The following CASKIN1 variants were observed in gnomAD, a reference collection of about 807,000 sequenced individuals.
The protein encoded by CASKIN1 is caskin-1.
A neutral mutation model predicts 117.5 loss-of-function variants in CASKIN1; 42 were observed. That is an observed-to-expected ratio of 0.36 (90% CI 0.28 to 0.46). The LOEUF is 0.46. Ranked by LOEUF, CASKIN1 falls within the 20% of genes least tolerant of loss-of-function variation. The pLI, the probability that CASKIN1 is intolerant of heterozygous loss-of-function variation, is 1.00. For missense variants in CASKIN1, 2,083 were observed against 2,077.3 expected (o/e 1.00, Z -0.05); for synonymous variants, 1,148 against 961.7 (o/e 1.19, Z -3.59).
rs760868396 is a variant in CASKIN1 at position 2,181,422 on chromosome 16, A to T, written c.1946T>A (p.Met649Lys). The T allele has an allele frequency of 1.1e-5, 18 of 1,612,074 alleles. No individual in the cohort carries two copies. In the South Asian group the frequency reaches 1.9e-4, roughly 17 times the overall value. Reference protein sequence around the residue: ...PTPADCQSPKMTTFQDSELSD... With the variant: ...PTPADCQSPKKTTFQDSELSD... Reference sequence around the variant, plus strand: ...GAGCTCGCTGTCCTGGAAGGTGGTCATTTTAGGGGACTGGCAGTCGGCCGG... The same window carrying T: ...GAGCTCGCTGTCCTGGAAGGTGGTCTTTTTAGGGGACTGGCAGTCGGCCGG... The change falls in exon 18 of 20, where the codon ATG (methionine) becomes AAG (lysine). Residue 649 changes from methionine to lysine, a missense_variant. Met to Lys is a moderately conservative substitution (Grantham distance 95). Coordinates refer to ENST00000343516, the MANE Select transcript of CASKIN1 (RefSeq NM_020764.4).
At chr16:2,184,904 G>A (rs369719484) in intron 13 of CASKIN1, 36 bp from the exon 14 acceptor site, 331 of 1,578,640 alleles carry the variant, frequency 2.1e-4, no homozygotes, top group Non-Finnish European at 2.6e-4. Flanking sequence ...AAGGGCTGTC[G>A]GGCTGCTTTC....
chr16:2,184,021 C>T, intron 14 of CASKIN1, 80 bp from the exon 15 acceptor site: 7 of 956,954 alleles, frequency 7.3e-6, no homozygotes, highest in South Asian at 1.6e-5. Context: ...CTCTGCTTGG[C>T]CGGCCAGCCG....
In CASKIN1 at chr16:2,183,812, C is replaced by A; in HGVS notation, c.1527+19G>T. 1.2e-6 allele frequency: 2 copies of A among 1,611,312 alleles called. No homozygotes were observed. The highest frequency in any genetic ancestry group is 1.7e-6 in the Non-Finnish European group (2 of 1,178,442). On this transcript the variant is annotated intron_variant, in intron 15 of 19. Transcript: ENST00000343516. Reference sequence around the variant, plus strand: ...ATCTGTGGGACGCAGCTGGCGCTGGCGGCGCATGGAAAGCTCACCTCGGGA... The same window carrying A: ...ATCTGTGGGACGCAGCTGGCGCTGGAGGCGCATGGAAAGCTCACCTCGGGA...
rs1481894447 is a variant in CASKIN1, at chr16:2,178,117, T to C, written c.*433A>G. On this transcript the variant is annotated 3_prime_UTR_variant, in exon 20 of 20. Transcript: ENST00000343516. ...CAGCTCATTCCCAATAAATTAATAC[T>C]CTTGATAGCTTATATTCTGGGGGTG... 2.0e-6 allele frequency: 1 copy of C among 506,744 alleles called. No individual in the cohort carries two copies. Among genetic ancestry groups the C allele is most frequent in the Non-Finnish European group, 3.8e-6 (1 of 261,074 alleles). 31.4% of individuals were successfully genotyped at this position (506,744 alleles called of 1,614,324 possible). A position where few individuals can be genotyped will look rare whatever the true frequency, so the allele number is the denominator to read the frequency against.
At chr16:2,187,140 T>C (rs765347472) in intron 8 of CASKIN1, 26 bp downstream of exon 8, 32 of 1,612,980 alleles carry the variant, frequency 2.0e-5, no homozygotes, top group Non-Finnish European at 2.6e-5. Flanking sequence ...CCCCAGCCAC[T>C]GCCCCTCTGC....
Position 2,181,888 on chromosome 16 carries a change from C to T in CASKIN1, c.1671G>A (p.Gln557=). 1.9e-6 allele frequency: 3 copies of T among 1,613,800 alleles called. No individual in the cohort carries two copies. The highest frequency in any genetic ancestry group is 2.5e-6 in the Non-Finnish European group (3 of 1,179,982). The part of the protein sequence containing the change: ...AVWLSMIGLA[Q]YYKVLVDNGY... Reference sequence around the variant, plus strand: ...CATTGTCCACCAACACCTTGTAGTACTGGGCCAGGCCGATCATGGACAGCC... The same window carrying T: ...CATTGTCCACCAACACCTTGTAGTATTGGGCCAGGCCGATCATGGACAGCC... Residue 557 remains glutamine, a synonymous_variant, in exon 17 of 20, where the codon CAG becomes CAA. Transcript: ENST00000343516.
chr16:2,190,555 G>A (rs1038322195), intron 1 of CASKIN1, among the ~76,000 whole-genome samples, 197 bp from the exon 2 acceptor site: 3 of 152,202 alleles, frequency 2.0e-5, no homozygotes, highest in Admixed American at 6.5e-5. Flanking sequence ...CCAGCTGCTC[G>A]GGCCTTGGTG....
intron 10 of CASKIN1, 82 bp downstream of exon 10, chr16:2,186,625 C>T: frequency 2.4e-6 from 3 of 1,270,724 alleles, no homozygotes; most frequent in Non-Finnish European, 2.2e-6. Context: ...CTGCTGGGCC[C>T]CCACACCCTC....
rs1029974663 is a variant in CASKIN1, at chr16:2,181,398, A to C, written c.1970T>G (p.Leu657Arg). 6.2e-7 allele frequency: 1 copy of C among 1,610,690 alleles called. No homozygotes were observed. Among genetic ancestry groups the C allele is most frequent in the Non-Finnish European group, 8.5e-7 (1 of 1,179,474 alleles). The change falls in exon 18 of 20, where the codon CTC becomes CGC. Residue 657 changes from leucine to arginine, a missense_variant. Transcript: ENST00000343516. ...PKMTTFQDSE[L>R]SDELQAAMTG... ...CATGGCAGCCTGCAGCTCGTCACTG[A>C]GCTCGCTGTCCTGGAAGGTGGTCAT...
chr16:2,187,404 C>G lies in CASKIN1; in HGVS notation c.675G>C (p.Leu225=). The change falls in exon 7 of 20, where the codon CTG becomes CTC. Residue 225 remains leucine (L), a synonymous_variant. Transcript: ENST00000343516. ...TCTTTCCGCAGAGCGCAGCCTCGTG[C>G]AGGGCCGTGCCGGACTTGGTCTGGC... ...INRQTKSGTA[L]HEAALCGKTE... 1 of 1,611,360 alleles carries G rather than the reference C, an allele frequency of 6.2e-7. No individual in the cohort carries two copies. Among genetic ancestry groups the G allele is most frequent in the East Asian group, 2.2e-5 (1 of 44,880 alleles).
At position 2,183,909 on chromosome 16, in the gene CASKIN1, C is replaced by T. The variant is rs373969567; in HGVS notation, c.1449G>A (p.Ala483=). ...TGGGGGCGTAGAGCTGCAGCTGGAA[C>T]GCGGTGAGCCACTGGCTCACGGCCT... The part of the protein sequence containing the change: ...SSEAVSQWLT[A]FQLQLYAPNF... The change falls in exon 15 of 20, where the codon GCG becomes GCA. Residue 483 remains alanine (A), a synonymous_variant. Coordinates refer to ENST00000343516, the MANE Select transcript of CASKIN1 (RefSeq NM_020764.4). 55 of 1,609,558 alleles carry T rather than the reference C, an allele frequency of 3.4e-5. No homozygotes were observed. The African/African-American group carries it at 4.4e-4, about 13-fold the overall frequency.
rs560742607 is a variant in CASKIN1 at position 2,185,106 on chromosome 16, C to T, written c.1239+5G>A. On this transcript the variant is annotated splice_donor_5th_base_variant and intron_variant, in intron 12 of 19. Coordinates refer to ENST00000343516, the MANE Select transcript of CASKIN1 (RefSeq NM_020764.4). Reference sequence around the variant, plus strand: ...CACCCTGGCCCTGGCCACTACCCCACCTACCTTGACGCCTTCAGAGCCCGC... The same window carrying T: ...CACCCTGGCCCTGGCCACTACCCCATCTACCTTGACGCCTTCAGAGCCCGC... 16 of 1,609,464 alleles carry T rather than the reference C, an allele frequency of 9.9e-6. No homozygotes were observed. In the South Asian group the frequency reaches 1.4e-4, roughly 14 times the overall value.
chr16:2,178,843 GCCCC>G, intron 19 of CASKIN1, 55 bp downstream of exon 19: 1 of 1,355,638 alleles, frequency 7.4e-7, no homozygotes, highest in African/African-American at 1.6e-5. Context: ...TCTCTGCCGA[GCCCC>G]GCCCATCTCT....
Position 2,196,275 on chromosome 16 carries a change from G to A in CASKIN1, c.94+64C>T. The stretch of plus-strand genomic sequence containing the variant: ...CCCCTCCCCGCCCGGCGCCGGGTGG[G>A]GGGCTCCGCGCCGGGGAGGGGCCCC... On this transcript the variant is annotated intron_variant, in intron 1 of 19. Transcript: ENST00000343516. This position sits in a 1 kb window ranked among gnomAD's most constrained non-coding sequence, Gnocchi z 5.7. 1.4e-6 allele frequency: 1 copy of A among 713,486 alleles called. No homozygotes were observed. Among genetic ancestry groups the A allele is most frequent in the Non-Finnish European group, 1.8e-6 (1 of 546,046 alleles). The allele number at this position is 713,486 out of a possible 1,614,324, so 44.2% of individuals were successfully genotyped here.
chr16:2,190,734 A>G (rs928416510), intron 1 of CASKIN1, among the ~76,000 whole-genome samples: 1 of 152,098 alleles, frequency 6.6e-6, no homozygotes, highest in African/African-American at 2.4e-5. Flanking sequence ...GGTGGGAGGG[A>G]GAGAGCCGGC....
chr16:2,180,620 G>A lies in CASKIN1; in HGVS notation c.2748C>T (p.Arg916=). Residue 916 remains arginine (R), a synonymous_variant, in exon 18 of 20, where the codon CGC becomes CGT. Coordinates refer to ENST00000343516, the MANE Select transcript of CASKIN1 (RefSeq NM_020764.4). ...CTGCGGGCGCCCTCACTGAGTGGCT[G>A]CGGCCCACGCGCCGCTGGACCGTGG... ...PYATVQRRVG[R]SHSVRAPAGA... 1 of 1,560,018 alleles carries A rather than the reference G, an allele frequency of 6.4e-7. No homozygotes were observed.
rs950573086 is a variant in CASKIN1, at chr16:2,186,491, A to G, written c.1048+216T>C. Among the ~76,000 whole-genome samples, 5 of 152,242 alleles carry G rather than the reference A, an allele frequency of 3.3e-5. No individual in the cohort carries two copies. The South Asian group carries it at 8.3e-4, about 25-fold the overall frequency. On this transcript the variant is annotated intron_variant, in intron 10 of 19. Transcript: ENST00000343516. Reference sequence around the variant, plus strand: ...TCTAGTGGCCGGTTCAGAACCAGACATGGCAGCACACAGTGCTTGGTAGAA... The same window carrying G: ...TCTAGTGGCCGGTTCAGAACCAGACGTGGCAGCACACAGTGCTTGGTAGAA...
intron 1 of CASKIN1, among the ~76,000 whole-genome samples, chr16:2,192,906 T>C (rs1456514204): frequency 6.6e-6 from 1 of 152,144 alleles, no homozygotes; most frequent in East Asian, 1.9e-4. Context: ...GATCTCCTCA[T>C]CCCCCACACT....
intron 1 of CASKIN1, among the ~76,000 whole-genome samples, chr16:2,195,120 C>T (rs895237344): frequency 6.6e-6 from 1 of 152,226 alleles, no homozygotes; most frequent in African/African-American, 2.4e-5. Context: ...TGCCCACAAG[C>T]TCTCCCTTTC....
Sources: allele counts gnomAD v4.1 joint callset (sites outside exome capture counted in the v4.1 genomes callset), GRCh38; gene constraint gnomAD v4.1.1; non-coding constraint Gnocchi (gnomAD v3.1); transcripts MANE v1.5; gene names NCBI Gene and HGNC (gene_info 2026-07-23, HGNC 2026-07-21).